GRIN2A: variants seen among roughly 807,000 people sequenced by gnomAD.
GRIN2A encodes glutamate ionotropic receptor NMDA type subunit 2A.
GRIN2A carries 22 observed loss-of-function variants against 113.4 expected under a neutral mutation model. The ratio of observed to expected loss-of-function variants is 0.19; its 90% CI spans 0.14 to 0.28. The LOEUF is 0.28. GRIN2A is among the 10% of genes least tolerant of loss of function. The pLI, the probability that GRIN2A is intolerant of heterozygous loss-of-function variation, is 1.00. For synonymous variants in GRIN2A, 827 were observed against 738.4 expected, an observed-to-expected ratio of 1.12 and a Z score of -1.94; for missense variants, 1,502 against 1,887.0, an observed-to-expected ratio of 0.80 and a Z score of 3.78.
At chr16:10,007,178 T>C (rs1046636883) in intron 2 of GRIN2A, among the ~76,000 whole-genome samples, 2 of 152,222 alleles carry the variant, frequency 1.3e-5, no homozygotes, top group Non-Finnish European at 2.9e-5. Flanking sequence ...CATATGGTAG[T>C]TCTATTTTTA....
intron 10 of GRIN2A, among the ~76,000 whole-genome samples, chr16:9,800,973 G>T (rs1056638740): frequency 2.0e-5 from 3 of 152,178 alleles, no homozygotes; most frequent in Non-Finnish European, 2.9e-5. Context: ...GTAGGTGAAA[G>T]GAACCTGAGT....
intron 2 of GRIN2A, among the ~76,000 whole-genome samples, chr16:10,131,936 C>T (rs955741718): frequency 6.6e-6 from 1 of 152,108 alleles, no homozygotes; most frequent in African/African-American, 2.4e-5. Context: ...ATGTGTCAGG[C>T]ACTGCACTAA....
At chr16:10,066,954 A>G (rs558789923) in intron 2 of GRIN2A, among the ~76,000 whole-genome samples, 2 of 152,326 alleles carry the variant, frequency 1.3e-5, no homozygotes, top group East Asian at 3.9e-4. Context: ...GCGTTCAAAA[A>G]CAAAGGACAT....
chr16:9,843,880 C>A (rs1396205033), intron 5 of GRIN2A, among the ~76,000 whole-genome samples: 1 of 152,172 alleles, frequency 6.6e-6, no homozygotes, highest in Non-Finnish European at 1.5e-5. Context: ...TTAAAACTGC[C>A]ACAAATATGA....
chr16:9,775,077 C>T (rs1221289241), intron 11 of GRIN2A, among the ~76,000 whole-genome samples: 3 of 152,224 alleles, frequency 2.0e-5, no homozygotes, highest in African/African-American at 7.2e-5. Context: ...AGCCTTCAAA[C>T]TTCCCAAGTA....
At chr16:9,915,809 T>C (rs957657235) in intron 3 of GRIN2A, among the ~76,000 whole-genome samples, 5 of 152,234 alleles carry the variant, frequency 3.3e-5, no homozygotes, top group South Asian at 2.1e-4. Context: ...TTTTTTCATC[T>C]GTTAAATGGA....
At chr16:9,946,885 C>G (rs1268221468) in intron 2 of GRIN2A, among the ~76,000 whole-genome samples, 1 of 152,162 alleles carries the variant, frequency 6.6e-6, no homozygotes, top group Non-Finnish European at 1.5e-5. Flanking sequence ...GTTCTGATAT[C>G]CATGTTGAAC....
At chr16:10,051,749 G>A (rs563246120) in intron 2 of GRIN2A, among the ~76,000 whole-genome samples, 2 of 152,198 alleles carry the variant, frequency 1.3e-5, no homozygotes, top group Admixed American at 6.5e-5. Flanking sequence ...GCCAGGGTGA[G>A]TGCAATACTG....
chr16:10,037,707 C>G (rs1324333931), intron 2 of GRIN2A, among the ~76,000 whole-genome samples: 2 of 152,120 alleles, frequency 1.3e-5, no homozygotes, highest in Admixed American at 1.3e-4. Context: ...TTCACTGCAG[C>G]CTCTACCTCC....
chr16:9,957,696 A>G (rs1173702968), intron 2 of GRIN2A, among the ~76,000 whole-genome samples: 2 of 152,216 alleles, frequency 1.3e-5, no homozygotes, highest in Admixed American at 1.3e-4. Context: ...AAGCACGTCA[A>G]AATGGGGCTA....
intron 2 of GRIN2A, among the ~76,000 whole-genome samples, chr16:10,004,179 A>G (rs1287680719): frequency 1.3e-5 from 2 of 152,110 alleles, no homozygotes; most frequent in African/African-American, 2.4e-5. Context: ...TCACGAAGTC[A>G]GGAGTTTGAG....
intron 2 of GRIN2A, among the ~76,000 whole-genome samples, chr16:10,096,176 A>G (rs141004921): frequency 1.5e-3 from 226 of 152,262 alleles, no homozygotes; most frequent in African/African-American, 5.0e-3. Flanking sequence ...TTTTGTTTCT[A>G]TGTTTGTTTT....
At chr16:10,052,845 C>A (rs2047382083) in intron 2 of GRIN2A, among the ~76,000 whole-genome samples, 1 of 152,058 alleles carries the variant, frequency 6.6e-6, no homozygotes, top group South Asian at 2.1e-4. Context: ...ATCAAGAGTT[C>A]GAGTCCAGCC....
At chr16:10,034,839 G>T (rs1175766868) in intron 2 of GRIN2A, among the ~76,000 whole-genome samples, 1 of 152,166 alleles carries the variant, frequency 6.6e-6, no homozygotes, top group East Asian at 1.9e-4. Flanking sequence ...TGCATTCAGT[G>T]ATTTGTTGGC....
At chr16:9,807,457 A>C (rs1452424026) in intron 10 of GRIN2A, among the ~76,000 whole-genome samples, 1 of 151,102 alleles carries the variant, frequency 6.6e-6, no homozygotes, top group African/African-American at 2.4e-5. Context: ...GAGAGAGAGA[A>C]AGAGAAAGAA....
At chr16:9,937,467 C>T (rs2044738075) in intron 3 of GRIN2A, among the ~76,000 whole-genome samples, 1 of 152,010 alleles carries the variant, frequency 6.6e-6, no homozygotes, top group African/African-American at 2.4e-5. Flanking sequence ...ATCTCATGTA[C>T]CCCATAAATA....
At chr16:10,165,929 G>A (rs957166809) in intron 2 of GRIN2A, among the ~76,000 whole-genome samples, 2 of 152,034 alleles carry the variant, frequency 1.3e-5, no homozygotes, top group Admixed American at 6.6e-5. Context: ...TTCACCCAAG[G>A]CCTGCCATTT....
At position 9,904,967 on chromosome 16, in the gene GRIN2A, A is replaced by G. The variant is rs1467577285; in HGVS notation, c.1008-13867T>C. Among the ~76,000 whole-genome samples, 3 of 152,242 alleles carry G rather than the reference A, an allele frequency of 2.0e-5. No homozygotes were observed. The East Asian group carries it at 5.8e-4, about 29-fold the overall frequency. ...GCACTGAGGTGTTTCCTTTGGCATG[A>G]AAATTTCAATGCTAAAACCAAAACC... On this transcript the variant is annotated intron_variant, in intron 3 of 12. Coordinates refer to ENST00000330684, the MANE Select transcript of GRIN2A (RefSeq NM_001134407.3).
rs940125322 is a variant in GRIN2A at position 9,761,628 on chromosome 16, A to G, written c.*1521T>C. ...TCTGAGAAAGTGTCATAACATAGCA[A>G]CTATCTTGTCGGGGGCACTTGTTTT... is the stretch of plus-strand genomic sequence containing the variant. On this transcript the variant is annotated 3_prime_UTR_variant, in exon 13 of 13. Transcript: ENST00000330684. 8.3e-5 allele frequency: 19 copies of G among 229,470 alleles called. No homozygotes were observed. The highest frequency in any genetic ancestry group is 2.3e-4 in the Admixed American group (4 of 17,626). The allele number at this position is 229,470 out of a possible 1,614,324, so 14.2% of individuals were successfully genotyped here. A position where few individuals can be genotyped will look rare whatever the true frequency, so the allele number is the denominator to read the frequency against.
Sources: gnomAD v4.1 joint callset for allele counts (sites outside exome capture counted in the v4.1 genomes callset) on GRCh38, gnomAD v4.1.1 for gene constraint, MANE v1.5 for transcripts, NCBI Gene and HGNC (gene_info 2026-07-23, HGNC 2026-07-21) for gene names.